ZNRF1: variants seen among roughly 807,000 people sequenced by gnomAD.
ZNRF1 encodes the protein zinc and ring finger 1, also known as E3 ubiquitin-protein ligase ZNRF1.
In ZNRF1, 3 loss-of-function variants were observed where a neutral mutation model predicts 18.4. The observed-to-expected ratio is 0.16, with a 90% CI of 0.07 to 0.42. The LOEUF is 0.42. ZNRF1 is among the 10% of genes least tolerant of loss of function. The pLI, the probability that ZNRF1 is intolerant of heterozygous loss-of-function variation, is 0.99. For synonymous variants in ZNRF1, 157 were observed against 144.2 expected (o/e 1.09, Z -0.64); for missense variants, 310 against 329.8 (o/e 0.94, Z 0.47).
At chr16:75,106,940 T>C in intron 4 of ZNRF1, 1 of 224,644 alleles carries the variant, frequency 4.5e-6, no homozygotes, top group Non-Finnish European at 9.2e-6. Context: ...CGCTCACCTC[T>C]GAGTCTCCGC....
intron 1 of ZNRF1, among the ~76,000 whole-genome samples, chr16:75,024,669 A>G (rs2035197741): frequency 6.6e-6 from 1 of 152,212 alleles, no homozygotes; most frequent in Non-Finnish European, 1.5e-5. Context: ...AAAAGAAGGA[A>G]AGCCCTGGAG....
intron 4 of ZNRF1, chr16:75,106,958 A>G (rs1432528888): frequency 2.0e-5 from 4 of 204,170 alleles, no homozygotes; most frequent in Admixed American, 1.0e-4. Flanking sequence ...CGCCTCTTCT[A>G]TGGTAACGGG....
intron 1 of ZNRF1, among the ~76,000 whole-genome samples, chr16:75,015,921 C>CTTTTTTT (rs368763105): frequency 7.3e-6 from 1 of 137,434 alleles, no homozygotes; most frequent in African/African-American, 2.7e-5. Context: ...CTTTTCTTTT[C>CTTTTTTT]TTTTTTTTTT....
intron 1 of ZNRF1, among the ~76,000 whole-genome samples, chr16:75,041,802 G>A (rs1479722598): frequency 2.0e-5 from 3 of 149,946 alleles, no homozygotes; most frequent in Non-Finnish European, 4.4e-5. Flanking sequence ...GGCCAACATG[G>A]TGAAACCCCA....
At chr16:75,087,717 A>AC (rs1042030913) in intron 1 of ZNRF1, among the ~76,000 whole-genome samples, 5 of 151,166 alleles carry the variant, frequency 3.3e-5, no homozygotes, top group African/African-American at 1.2e-4. Flanking sequence ...AGGACAAGGA[A>AC]CCCGGGGTAC....
chr16:75,049,219 G>A (rs1325144290), intron 1 of ZNRF1, among the ~76,000 whole-genome samples: 2 of 151,370 alleles, frequency 1.3e-5, no homozygotes, highest in African/African-American at 2.4e-5. Flanking sequence ...TGGCCTGGCT[G>A]GTCTCAAACT....
chr16:75,031,475 AT>A (rs1001884987), intron 1 of ZNRF1, among the ~76,000 whole-genome samples: 2 of 151,934 alleles, frequency 1.3e-5, no homozygotes, highest in African/African-American at 4.8e-5. Flanking sequence ...TTAAAAAAAA[AT>A]TTTTTTTCTA....
At chr16:75,100,925 C>T (rs958267056) in intron 2 of ZNRF1, among the ~76,000 whole-genome samples, 1 of 152,134 alleles carries the variant, frequency 6.6e-6, no homozygotes, top group Admixed American at 6.5e-5. Context: ...AAATGTCAAA[C>T]ACACAGCAAA....
intron 3 of ZNRF1, chr16:75,105,768 C>T (rs981972109): frequency 6.6e-5 from 10 of 152,252 alleles, no homozygotes; most frequent in African/African-American, 1.7e-4. Flanking sequence ...CTGTCTGGTT[C>T]CTGTCTTTGA....
intron 1 of ZNRF1, among the ~76,000 whole-genome samples, chr16:75,049,168 CTT>C: frequency 6.8e-6 from 1 of 147,052 alleles, no homozygotes; most frequent in African/African-American, 2.5e-5. Context: ...CCACACCCAG[CTT>C]CTTTTTGTAT....
intron 2 of ZNRF1, among the ~76,000 whole-genome samples, chr16:75,094,192 C>G (rs555856984): frequency 1.3e-5 from 2 of 152,308 alleles, no homozygotes; most frequent in East Asian, 3.9e-4. Context: ...CACCAGAGAG[C>G]TTGACGGGGG....
At chr16:75,089,303 C>G (rs2036109531) in intron 1 of ZNRF1, among the ~76,000 whole-genome samples, 1 of 152,058 alleles carries the variant, frequency 6.6e-6, no homozygotes, top group Non-Finnish European at 1.5e-5. Flanking sequence ...GAGACGGGGT[C>G]TCCCTGTGTT....
chr16:75,014,874 T>C (rs1254074141), intron 1 of ZNRF1, among the ~76,000 whole-genome samples: 1 of 152,006 alleles, frequency 6.6e-6, no homozygotes, highest in Admixed American at 6.6e-5. Context: ...TTATTTGTTA[T>C]TTATATATTT....
At chr16:75,061,201 T>C (rs1163624193) in intron 1 of ZNRF1, among the ~76,000 whole-genome samples, 1 of 152,200 alleles carries the variant, frequency 6.6e-6, no homozygotes, top group Admixed American at 6.5e-5. Flanking sequence ...AATTAAGTTA[T>C]TAACTGGCTA....
intron 1 of ZNRF1, among the ~76,000 whole-genome samples, chr16:75,052,426 GATA>G (rs1490783263): frequency 6.6e-6 from 1 of 151,302 alleles, no homozygotes; most frequent in African/African-American, 2.4e-5. Flanking sequence ...AAAAGAAAAA[GATA>G]ATGTTATGTT....
chr16:75,095,630 C>T lies in ZNRF1; in HGVS notation c.520+1963C>T. On this transcript the variant is annotated intron_variant, in intron 2 of 4. Transcript: ENST00000335325. ...ACAAAGAAGCCTCAGAGGGGCTCAG[C>T]CTGAGAAAACCTGGCTCTCAGGAAG... is the stretch of plus-strand genomic sequence containing the variant. 1.9e-6 allele frequency: 3 copies of T among 1,549,802 alleles called. No homozygotes were observed. The South Asian group carries it at 3.6e-5, about 18-fold the overall frequency.
At chr16:75,058,240 A>G (rs2145383486) in intron 1 of ZNRF1, among the ~76,000 whole-genome samples, 1 of 151,672 alleles carries the variant, frequency 6.6e-6, no homozygotes, top group African/African-American at 2.4e-5. Context: ...GCCTGGGACT[A>G]CAAGCATGTG....
At chr16:75,085,909 C>T (rs1191868141) in intron 1 of ZNRF1, among the ~76,000 whole-genome samples, 1 of 151,894 alleles carries the variant, frequency 6.6e-6, no homozygotes, top group Non-Finnish European at 1.5e-5. Flanking sequence ...GATCTACCAT[C>T]TGCAAGCTGG....
chr16:75,040,573 A>G (rs886092405), intron 1 of ZNRF1, among the ~76,000 whole-genome samples: 4 of 130,796 alleles, frequency 3.1e-5, no homozygotes, highest in African/African-American at 1.2e-4. Flanking sequence ...TTCACTCACC[A>G]TGTTTTTGTT....
Sources: gnomAD v4.1 joint callset for allele counts (sites outside exome capture counted in the v4.1 genomes callset) on GRCh38, gnomAD v4.1.1 for gene constraint, MANE v1.5 for transcripts, NCBI Gene and HGNC (gene_info 2026-07-23, HGNC 2026-07-21) for gene names.